Variants in FAM83G observed in about 807,000 individuals in gnomAD.
FAM83G encodes scaffolding CK1 anchoring protein G, also known as protein FAM83G.
In FAM83G, 38 loss-of-function variants were observed where a neutral mutation model predicts 61.5. That is an observed-to-expected ratio of 0.62 (90% CI 0.48 to 0.81). The LOEUF is 0.81. FAM83G is among the 30% of genes least tolerant of loss of function. FAM83G has a pLI of 0.00. For missense variants in FAM83G, 989 were observed against 1,133.6 expected (o/e 0.87, Z 1.83); for synonymous variants, 470 against 476.1 (o/e 0.99, Z 0.17).
chr17:18,973,163 CT>C (rs1177062002), intron 5 of FAM83G, among the ~76,000 whole-genome samples: 1 of 152,264 alleles, frequency 6.6e-6, no homozygotes, highest in African/African-American at 2.4e-5. Flanking sequence ...AAGTGGTACC[CT>C]GCCAGGCTGA....
In FAM83G at chr17:18,996,327, GT is replaced by G. The variant is rs1224087909; in HGVS notation, c.522+7192del. 1.3e-5 allele frequency among the ~76,000 whole-genome samples: 2 copies of G among 152,060 alleles called. No homozygotes were observed. Among genetic ancestry groups the G allele is most frequent in the African/African-American group, 4.8e-5 (2 of 41,406 alleles). On this transcript the variant is annotated intron_variant, in intron 2 of 5. Coordinates refer to ENST00000388995, the MANE Select transcript of FAM83G (RefSeq NM_001039999.3). The surrounding 1 kb of genome is among the most constrained non-coding windows in gnomAD (Gnocchi z 4.4). ...GGACAGACGTGGCTGCAGCACCTCA[GT>G]TTTTCTATCATGACATGGTCCCACT...
chr17:18,969,744 G>C lies in FAM83G; in HGVS notation c.*1615C>G, dbSNP rs555638719. On this transcript the variant is annotated 3_prime_UTR_variant, in exon 6 of 6. Transcript: ENST00000388995. The stretch of plus-strand genomic sequence containing the variant: ...GATGGTGAGGTGGGGCTGTAGGCGG[G>C]TGTGAAGGCACACAACCAGGAGGCC... The C allele has an allele frequency of 6.3e-6, 2 of 315,304 alleles. No homozygotes were observed. Among genetic ancestry groups the C allele is most frequent in the East Asian group, 1.1e-4 (2 of 18,990 alleles). The allele number at this position is 315,304 out of a possible 1,614,324, so 19.5% of individuals were successfully genotyped here. A position where few individuals can be genotyped will look rare whatever the true frequency, so the allele number is the denominator to read the frequency against.
At chr17:18,982,745 G>A (rs759319423) in intron 3 of FAM83G, among the ~76,000 whole-genome samples, 2 of 152,230 alleles carry the variant, frequency 1.3e-5, no homozygotes, top group African/African-American at 4.8e-5. Flanking sequence ...TGCCAAGCCC[G>A]CTGGTGCGAG....
Position 18,971,620 on chromosome 17 carries a change from G to A in FAM83G, c.2211C>T (p.Ala737=). 1 of 1,613,420 alleles carries A rather than the reference G, an allele frequency of 6.2e-7. No homozygotes were observed. Among genetic ancestry groups the A allele is most frequent in the South Asian group, 1.1e-5 (1 of 91,068 alleles). The part of the protein sequence containing the change: ...VQSSTRNAGP[A]MAGPHHWQAK... Reference sequence around the variant, plus strand: ...CCTGCCAGTGGTGGGGGCCAGCCATGGCTGGGCCAGCGTTTCTGGTAGAGC... The same window carrying A: ...CCTGCCAGTGGTGGGGGCCAGCCATAGCTGGGCCAGCGTTTCTGGTAGAGC... The change falls in exon 6 of 6, where the codon GCC becomes GCT. Residue 737 remains alanine (A), a synonymous_variant. Transcript: ENST00000388995. The surrounding 1 kb of genome is among the most constrained non-coding windows in gnomAD (Gnocchi z 5.5).
At chr17:18,991,051 A>C (rs982952228) in intron 2 of FAM83G, among the ~76,000 whole-genome samples, 1 of 152,134 alleles carries the variant, frequency 6.6e-6, no homozygotes, top group Non-Finnish European at 1.5e-5. Context: ...TACCTTGTTC[A>C]GGCCTCACAA....
Position 19,000,473 on chromosome 17 carries a change from A to G in FAM83G, c.522+3047T>C, listed in dbSNP as rs1026645209. On this transcript the variant is annotated intron_variant, in intron 2 of 5. Coordinates refer to ENST00000388995, the MANE Select transcript of FAM83G (RefSeq NM_001039999.3). This position sits in a 1 kb window ranked among gnomAD's most constrained non-coding sequence, Gnocchi z 5.2. Reference sequence around the variant, plus strand: ...TTGGCTCCTGGTCCTGCTGTCCACTAGTTCCATTCTAGTCATTTGGGAACA... The same window carrying G: ...TTGGCTCCTGGTCCTGCTGTCCACTGGTTCCATTCTAGTCATTTGGGAACA... 3.3e-5 allele frequency among the ~76,000 whole-genome samples: 5 copies of G among 152,146 alleles called. No homozygotes were observed. The highest frequency in any genetic ancestry group is 1.2e-4 in the African/African-American group (5 of 41,434).
upstream of FAM83G, among the ~76,000 whole-genome samples, chr17:19,006,010 C>CT (rs2043880204): frequency 6.6e-6 from 1 of 152,202 alleles, no homozygotes; most frequent in Admixed American, 6.5e-5. Flanking sequence ...CAGCTTCTCC[C>CT]TGTGTTCTTA....
At position 18,971,168 on chromosome 17, in the gene FAM83G, AT is replaced by A; in HGVS notation, c.*190del. ...CACAGGGGACCTGCCGTGGACCGGG[AT>A]GACCTTTGGCCTGACCATCATGGCC... is the stretch of plus-strand genomic sequence containing the variant. On this transcript the variant is annotated 3_prime_UTR_variant, in exon 6 of 6. Coordinates refer to ENST00000388995, the MANE Select transcript of FAM83G (RefSeq NM_001039999.3). This position sits in a 1 kb window ranked among gnomAD's most constrained non-coding sequence, Gnocchi z 5.5. 6.2e-7 allele frequency: 1 copy of A among 1,614,080 alleles called. No homozygotes were observed. The highest frequency in any genetic ancestry group is 8.5e-7 in the Non-Finnish European group (1 of 1,180,030).
chr17:18,977,560 T>C, intron 5 of FAM83G, 24 bp downstream of exon 5: 1 of 1,597,724 alleles, frequency 6.3e-7, no homozygotes, highest in Non-Finnish European at 8.5e-7. Context: ...TCGTGACCCC[T>C]GGTGTGCAGG....
Position 18,979,646 on chromosome 17 carries a change from T to G in FAM83G, c.718A>C (p.Thr240Pro). The change falls in exon 4 of 6, where the codon ACT becomes CCT. Residue 240 changes from threonine (T) to proline (P), a missense_variant. Thr to Pro is a conservative substitution (Grantham distance 38). Transcript: ENST00000388995. ...KNLRVRSSGG[T>P]EFFTRSATKF... ...GTTGCCGACCGCGTGAAGAACTCAG[T>G]TCCCCCGCTGCTCCGCACTCTGAGA... The G allele has an allele frequency of 6.2e-7, 1 of 1,613,412 alleles. No homozygotes were observed. Among genetic ancestry groups the G allele is most frequent in the Non-Finnish European group, 8.5e-7 (1 of 1,179,938 alleles).
chr17:18,978,042 T>C lies in FAM83G; in HGVS notation c.1624A>G (p.Arg542Gly). Residue 542 changes from arginine (R) to glycine (G), a missense_variant, in exon 5 of 6, where the codon AGG (arginine) becomes GGG (glycine). Around this residue, in one of 3 missense-constraint regions of FAM83G, gnomAD observed 574 missense variants for 645.1 expected, o/e 0.89. Transcript: ENST00000388995. Reference sequence around the variant, plus strand: ...CCTGGGCCTGCCATCCTGGGTAGCCTATGGTCTGTCCCATTCTGGGGAGCT... The same window carrying C: ...CCTGGGCCTGCCATCCTGGGTAGCCCATGGTCTGTCCCATTCTGGGGAGCT... ...EEAPQNGTDH[R>G]LPRMAGPGHA... 1 of 1,532,416 alleles carries C rather than the reference T, an allele frequency of 6.5e-7. No homozygotes were observed. Among genetic ancestry groups the C allele is most frequent in the South Asian group, 1.3e-5 (1 of 77,626 alleles). The allele number at this position is 1,532,416 out of a possible 1,614,324, so 94.9% of individuals were successfully genotyped here.
Position 18,970,862 on chromosome 17 carries a change from C to T in FAM83G, c.*497G>A, listed in dbSNP as rs1567784504. 4.5e-6 allele frequency: 3 copies of T among 661,546 alleles called. No individual in the cohort carries two copies. Among genetic ancestry groups the T allele is most frequent in the Non-Finnish European group, 7.9e-6 (3 of 380,012 alleles). 41.0% of individuals were successfully genotyped at this position (661,546 alleles called of 1,614,324 possible). Reference sequence around the variant, plus strand: ...AAAAAAAAAAACAACCCTCTACCCTCACACCTTTCCAAACACTGGGAAAGA... The same window carrying T: ...AAAAAAAAAAACAACCCTCTACCCTTACACCTTTCCAAACACTGGGAAAGA... On this transcript the variant is annotated 3_prime_UTR_variant, in exon 6 of 6. Coordinates refer to ENST00000388995, the MANE Select transcript of FAM83G (RefSeq NM_001039999.3).
At position 18,978,288 on chromosome 17, in the gene FAM83G, G is replaced by C; in HGVS notation, c.1378C>G (p.Gln460Glu). Reference protein sequence around the residue: ...RDTSQASAQHQLWKQSQDSRP... With the variant: ...RDTSQASAQHELWKQSQDSRP... The stretch of plus-strand genomic sequence containing the variant: ...CTGTCCTGGCTCTGCTTCCACAGCT[G>C]GTGCTGGGCGCTGGCCTGGGAGGTG... The change falls in exon 5 of 6, where the codon CAG becomes GAG. Residue 460 changes from glutamine (Q) to glutamate (E), a missense_variant. Gln to Glu is a conservative substitution (Grantham distance 29, BLOSUM62 2). Transcript: ENST00000388995. 6.2e-7 allele frequency: 1 copy of C among 1,610,738 alleles called. No homozygotes were observed. The highest frequency in any genetic ancestry group is 8.5e-7 in the Non-Finnish European group (1 of 1,178,334).
chr17:18,991,046 T>G (rs1316010422), intron 2 of FAM83G, among the ~76,000 whole-genome samples: 2 of 152,098 alleles, frequency 1.3e-5, no homozygotes, highest in Admixed American at 1.3e-4. Flanking sequence ...GCTGTTACCT[T>G]GTTCAGGCCT....
intron 2 of FAM83G, among the ~76,000 whole-genome samples, chr17:18,999,592 C>T (rs1228452969): frequency 7.2e-5 from 11 of 152,178 alleles, no homozygotes; most frequent in African/African-American, 1.2e-4. Context: ...GTAAAGTGCC[C>T]GCTCAGCACC....
At chr17:18,994,777 T>C (rs1187458076) in intron 2 of FAM83G, among the ~76,000 whole-genome samples, 1 of 152,166 alleles carries the variant, frequency 6.6e-6, no homozygotes, top group East Asian at 1.9e-4. Context: ...TGTAGACATG[T>C]GAGGCTTTAA....
rs1186623013 is a variant in FAM83G, at chr17:19,003,440, T to G, written c.522+80A>C. ...AGAAGCCCATGTTGGGCTCCCGTTT[T>G]GGGCTCTGAGTGAGCCTGTATTGAG... On this transcript the variant is annotated intron_variant, in intron 2 of 5. Coordinates refer to ENST00000388995, the MANE Select transcript of FAM83G (RefSeq NM_001039999.3). The surrounding 1 kb of genome is among the most constrained non-coding windows in gnomAD (Gnocchi z 4.5). 2.8e-6 allele frequency: 4 copies of G among 1,412,230 alleles called. No homozygotes were observed. Among genetic ancestry groups the G allele is most frequent in the African/African-American group, 3.0e-5 (2 of 67,778 alleles). 87.5% of individuals were successfully genotyped at this position (1,412,230 alleles called of 1,614,324 possible). A position where few individuals can be genotyped will look rare whatever the true frequency, so the allele number is the denominator to read the frequency against.
At position 18,977,226 on chromosome 17, in the gene FAM83G, C is replaced by T. The variant is rs114057352; in HGVS notation, c.2082+358G>A. On this transcript the variant is annotated intron_variant, in intron 5 of 5. Transcript: ENST00000388995. ...GTGTGACCTCAAGGCTGTAAATGAA[C>T]GTCCCTGTGCCCCGCCTTTTCCTCA... 3.0e-3 allele frequency: 1,838 copies of T among 614,860 alleles called. 22 individuals carry two copies. The highest frequency in any genetic ancestry group is 0.028 in the African/African-American group (1,542 of 54,144). 38.1% of individuals were successfully genotyped at this position (614,860 alleles called of 1,614,324 possible). A position where few individuals can be genotyped will look rare whatever the true frequency, so the allele number is the denominator to read the frequency against.
rs537553329 is a variant in FAM83G, at chr17:18,979,470, A to G, written c.815+79T>C. The G allele has an allele frequency of 8.4e-6, 13 of 1,542,634 alleles. No homozygotes were observed. The South Asian group carries it at 1.1e-4, about 13-fold the overall frequency. ...TTGGGACCAATGAACCGGAATAACC[A>G]GGGTTAGGATTAAGGGCAGAAGCCA... On this transcript the variant is annotated intron_variant, in intron 4 of 5. Transcript: ENST00000388995.
Sources: gnomAD v4.1 joint callset for allele counts (sites outside exome capture counted in the v4.1 genomes callset) on GRCh38, gnomAD v4.1.1 for gene constraint, gnomAD v4.1.1 regional missense constraint, Gnocchi (gnomAD v3.1) non-coding constraint, MANE v1.5 for transcripts, NCBI Gene and HGNC (gene_info 2026-07-23, HGNC 2026-07-21) for gene names.